The following EPS8L1 variants were observed in gnomAD, a reference collection of about 807,000 sequenced individuals.
EPS8L1 encodes EPS8 signaling adaptor L1.
Under a neutral mutation model 91.7 loss-of-function variants are expected in EPS8L1, and 101 were observed. That is an observed-to-expected ratio of 1.10 (90% CI 0.94 to 1.30). The LOEUF is 1.30. Ranked by LOEUF, EPS8L1 falls within the 50% of genes most tolerant of loss-of-function variation. The pLI, the probability that EPS8L1 is intolerant of heterozygous loss-of-function variation, is 0.00. For missense variants in EPS8L1, 1,114 were observed against 1,017.0 expected, an observed-to-expected ratio of 1.10 and a Z score of -1.30; for synonymous variants, 506 against 445.3, an observed-to-expected ratio of 1.14 and a Z score of -1.72.
intron 18 of EPS8L1, 93 bp downstream of exon 18, chr19:55,086,981 G>A: frequency 7.3e-7 from 1 of 1,378,826 alleles, no homozygotes; most frequent in African/African-American, 1.5e-5. Flanking sequence ...CGGCAGTCGT[G>A]GAGACCACAG....
rs375677153 is a variant in EPS8L1, at chr19:55,082,218, C to A, written c.990+38C>A. ...CCGCCCCTGGGCCGGGGCGCGGGCACGACGAACCTGTCCCGTCCCCGCACC... is the reference window on the plus strand; with the variant it reads ...CCGCCCCTGGGCCGGGGCGCGGGCAAGACGAACCTGTCCCGTCCCCGCACC... On this transcript the variant is annotated intron_variant, in intron 10 of 19. Transcript: ENST00000201647. The A allele has an allele frequency of 7.2e-5, 114 of 1,592,972 alleles. No individual in the cohort carries two copies. In the Middle Eastern group the frequency reaches 9.9e-4, roughly 14 times the overall value.
intron 10 of EPS8L1, 33 bp downstream of exon 10, chr19:55,082,213 G>A (rs761021341): frequency 1.1e-5 from 17 of 1,590,932 alleles, no homozygotes; most frequent in Non-Finnish European, 1.5e-5. Flanking sequence ...GCCGGGGCGC[G>A]GGCACGACGA....
At chr19:55,080,467 G>A (rs944490362) in intron 6 of EPS8L1, 189 bp downstream of exon 6, 1 of 1,613,236 alleles carries the variant, frequency 6.2e-7, no homozygotes, top group Non-Finnish European at 8.5e-7. Flanking sequence ...CCAGGGTCAA[G>A]ATAGAACATG....
Position 55,085,984 on chromosome 19 carries a change from C to T in EPS8L1, c.1518+11C>T, listed in dbSNP as rs755811744. On this transcript the variant is annotated intron_variant, in intron 15 of 19. Transcript: ENST00000201647. Reference sequence around the variant, plus strand: ...CGGGACGTACTGGAGGTTAGAGGAGCGGGAGGCTGAGGGGCAGGAATTAGC... The same window carrying T: ...CGGGACGTACTGGAGGTTAGAGGAGTGGGAGGCTGAGGGGCAGGAATTAGC... The T allele has an allele frequency of 3.7e-6, 6 of 1,609,452 alleles. No individual in the cohort carries two copies. The highest frequency in any genetic ancestry group is 1.7e-4 in the Middle Eastern group (1 of 6,050).
At chr19:55,080,988 A>G in intron 7 of EPS8L1, 134 bp downstream of exon 7, 1 of 941,490 alleles carries the variant, frequency 1.1e-6, no homozygotes, top group East Asian at 2.7e-5. Context: ...TCTTGTCTGT[A>G]CCTCCCAGAC....
Position 55,084,077 on chromosome 19 carries a change from G to C in EPS8L1, c.1385+433G>C. 9.1e-6 allele frequency: 3 copies of C among 328,768 alleles called. No individual in the cohort carries two copies. The South Asian group carries it at 9.7e-5, about 11-fold the overall frequency. The allele number at this position is 328,768 out of a possible 1,614,324, so 20.4% of individuals were successfully genotyped here. On this transcript the variant is annotated intron_variant, in intron 14 of 19. Coordinates refer to ENST00000201647, the MANE Select transcript of EPS8L1 (RefSeq NM_133180.3). ...AATTGGACCTTTGGGTTTTGAAGAA[G>C]AGCCCAAGTCTGGTGCTTGGGATCC...
intron 6 of EPS8L1, 156 bp from the exon 7 acceptor site, chr19:55,080,616 G>T (rs2076235524): frequency 1.3e-6 from 2 of 1,567,834 alleles, no homozygotes; most frequent in East Asian, 4.6e-5. Context: ...GGTGTAGGGC[G>T]AGGGGTGAGT....
chr19:55,081,487 G>C lies in EPS8L1; in HGVS notation c.769G>C (p.Glu257Gln). Residue 257 changes from glutamate to glutamine, a missense_variant, in exon 8 of 20, where the codon GAA becomes CAA. Transcript: ENST00000201647. This position sits in a 1 kb window ranked among gnomAD's most constrained non-coding sequence, Gnocchi z 4.9. ...PDLAVLQAER[E>Q]VDILNHVFDD... The stretch of plus-strand genomic sequence containing the variant: ...CCTGGCGGTTCTGCAGGCGGAGCGG[G>C]AAGTGGTGAGCCGCTAAGGAAGGGG... 3 of 1,583,052 alleles carry C rather than the reference G, an allele frequency of 1.9e-6. No individual in the cohort carries two copies. The highest frequency in any genetic ancestry group is 1.8e-5 in the Admixed American group (1 of 56,806).
At position 55,079,836 on chromosome 19, in the gene EPS8L1, C is replaced by T. The variant is rs536448589; in HGVS notation, c.264C>T (p.Leu88=). ...LRVSPDHVTL[L]DPASKEELES... ...TGTCTCCCGACCATGTCACGCTGCT[C>T]GACCCGGCCTCCAAGGTGCCGGGGG... Residue 88 remains leucine (L), a synonymous_variant, in exon 5 of 20, where the codon CTC becomes CTT. Transcript: ENST00000201647. 7 of 1,612,800 alleles carry T rather than the reference C, an allele frequency of 4.3e-6. No individual in the cohort carries two copies. The South Asian group carries it at 5.5e-5, about 13-fold the overall frequency.
At position 55,083,997 on chromosome 19, in the gene EPS8L1, T is replaced by G; in HGVS notation, c.1385+353T>G. 1 of 534,282 alleles carries G rather than the reference T, an allele frequency of 1.9e-6. No individual in the cohort carries two copies. The highest frequency in any genetic ancestry group is 3.4e-6 in the Non-Finnish European group (1 of 296,230). 33.1% of individuals were successfully genotyped at this position (534,282 alleles called of 1,614,324 possible). A position where few individuals can be genotyped will look rare whatever the true frequency, so the allele number is the denominator to read the frequency against. On this transcript the variant is annotated intron_variant, in intron 14 of 19. Coordinates refer to ENST00000201647, the MANE Select transcript of EPS8L1 (RefSeq NM_133180.3). The surrounding 1 kb of genome is among the most constrained non-coding windows in gnomAD (Gnocchi z 4.7). ...TTTTCCCAGGGCCTGGGAAGCACCA[T>G]GCCTGGGCTCCCTAGGAGGACAGAG...
chr19:55,087,866 T>G lies in EPS8L1; in HGVS notation c.*252T>G. 1 of 528,210 alleles carries G rather than the reference T, an allele frequency of 1.9e-6. No homozygotes were observed. Among genetic ancestry groups the G allele is most frequent in the Non-Finnish European group, 3.4e-6 (1 of 291,680 alleles). The allele number at this position is 528,210 out of a possible 1,614,324, so 32.7% of individuals were successfully genotyped here. A position where few individuals can be genotyped will look rare whatever the true frequency, so the allele number is the denominator to read the frequency against. On this transcript the variant is annotated 3_prime_UTR_variant, in exon 20 of 20. Coordinates refer to ENST00000201647, the MANE Select transcript of EPS8L1 (RefSeq NM_133180.3). ...CTAGCAGACCCCCGAGAGGGTGCAG[T>G]GGAGCCCTGAGCATTGTAATATGCG...
In EPS8L1 at chr19:55,086,848, G is replaced by C. The variant is rs776550161; in HGVS notation, c.1912G>C (p.Glu638Gln). 1 of 1,499,168 alleles carries C rather than the reference G, an allele frequency of 6.7e-7. No individual in the cohort carries two copies. The highest frequency in any genetic ancestry group is 8.9e-7 in the Non-Finnish European group (1 of 1,129,262). 92.9% of individuals were successfully genotyped at this position (1,499,168 alleles called of 1,614,324 possible). A position where few individuals can be genotyped will look rare whatever the true frequency, so the allele number is the denominator to read the frequency against. ...GCTCAGCCCGGGCTCGGACGCCTCC[G>C]AGGTCCGCGCCTGGCTGCAGGCCAA... ...PQLSPGSDAS[E>Q]VRAWLQAKGF... The change falls in exon 18 of 20, where the codon GAG (glutamate) becomes CAG (glutamine). Residue 638 changes from glutamate (E) to glutamine (Q), a missense_variant. Transcript: ENST00000201647.
rs2076269833 is a variant in EPS8L1 at position 55,081,820 on chromosome 19, G to T, written c.822G>T (p.Arg274Ser). The T allele has an allele frequency of 1.2e-6, 2 of 1,612,878 alleles. No individual in the cohort carries two copies. Residue 274 changes from arginine (R) to serine (S), a missense_variant, in exon 9 of 20, where the codon AGG becomes AGT. Arg to Ser is a moderately radical substitution (Grantham distance 110, BLOSUM62 -1). Transcript: ENST00000201647. The surrounding 1 kb of genome is among the most constrained non-coding windows in gnomAD (Gnocchi z 4.9). Reference sequence around the variant, plus strand: ...ACGACGTAGAGAGCTTTGTATCGAGGCTGCAGAAGTCGGCGGAGGCGGCCA... The same window carrying T: ...ACGACGTAGAGAGCTTTGTATCGAGTCTGCAGAAGTCGGCGGAGGCGGCCA... Reference protein sequence around the residue: ...VFDDVESFVSRLQKSAEAARV... With the variant: ...VFDDVESFVSSLQKSAEAARV...
intron 2 of EPS8L1, among the ~76,000 whole-genome samples, chr19:55,076,879 A>G (rs2076144373): frequency 6.6e-6 from 1 of 152,196 alleles, no homozygotes; most frequent in Admixed American, 6.5e-5. Flanking sequence ...AGTAAATATT[A>G]ACCCTTTGCT....
chr19:55,087,268 A>G, intron 18 of EPS8L1, 35 bp from the exon 19 acceptor site: 1 of 1,566,982 alleles, frequency 6.4e-7, no homozygotes, highest in Non-Finnish European at 8.6e-7. Context: ...GCATCCGCCG[A>G]CCGGCCTGAC....
rs2076281509 is a variant in EPS8L1, at chr19:55,082,199, C to G, written c.990+19C>G. ...CCTGCTGGTGAGGACGCGCCCGCCC[C>G]TGGGCCGGGGCGCGGGCACGACGAA... On this transcript the variant is annotated intron_variant, in intron 10 of 19. Transcript: ENST00000201647. 1 of 1,591,422 alleles carries G rather than the reference C, an allele frequency of 6.3e-7. No homozygotes were observed.
chr19:55,080,526 G>A, intron 6 of EPS8L1: 2 of 1,613,368 alleles, frequency 1.2e-6, no homozygotes, highest in Non-Finnish European at 1.7e-6. Flanking sequence ...GGATCTGGGG[G>A]AGCAGCCAGG....
At chr19:55,080,364 G>C (rs557321930) in intron 6 of EPS8L1, 86 bp downstream of exon 6, 21 of 1,548,972 alleles carry the variant, frequency 1.4e-5, no homozygotes, top group Non-Finnish European at 1.8e-5. Context: ...CCTCTAGGTG[G>C]GGCGGGGCCT....
rs760706669 is a variant in EPS8L1, at chr19:55,080,217, T to A, written c.368T>A (p.Val123Glu). The A allele has an allele frequency of 3.2e-6, 5 of 1,539,466 alleles. No individual in the cohort carries two copies. Among genetic ancestry groups the A allele is most frequent in the Non-Finnish European group, 4.4e-6 (5 of 1,138,426 alleles). Residue 123 changes from valine (V) to glutamate (E), a missense_variant, in exon 6 of 20, where the codon GTG (valine) becomes GAG (glutamate). Physicochemically the swap from Val to Glu is moderately radical, Grantham distance 121. Coordinates refer to ENST00000201647, the MANE Select transcript of EPS8L1 (RefSeq NM_133180.3). Reference sequence around the variant, plus strand: ...AGGAGCCGCTCGTTGCTGCTGCTCGTGTGCCAGGAACCCGAGCGCGCGCAG... The same window carrying A: ...AGGAGCCGCTCGTTGCTGCTGCTCGAGTGCCAGGAACCCGAGCGCGCGCAG... ...PGRSRSLLLL[V>E]CQEPERAQPD...
Sources: gnomAD v4.1 joint callset for allele counts (sites outside exome capture counted in the v4.1 genomes callset) on GRCh38, gnomAD v4.1.1 for gene constraint, Gnocchi (gnomAD v3.1) non-coding constraint, MANE v1.5 for transcripts, NCBI Gene and HGNC (gene_info 2026-07-23, HGNC 2026-07-21) for gene names.